UGT2A2: variants seen among roughly 807,000 people sequenced by gnomAD.
UGT2A2 encodes UDP glucuronosyltransferase family 2 member A2, also known as UDP-glucuronosyltransferase 2A2.
In UGT2A2, 60 loss-of-function variants were observed where a neutral mutation model predicts 50.7. The ratio of observed to expected loss-of-function variants is 1.18; its 90% CI spans 0.96 to 1.47. The LOEUF (loss-of-function observed/expected upper bound fraction) is 1.47. Among genes scored for constraint, UGT2A2 ranks in the 40% most tolerant of loss-of-function variants. The pLI, the probability that UGT2A2 is intolerant of heterozygous loss-of-function variation, is 0.00. For synonymous variants in UGT2A2, 242 were observed against 214.6 expected, an observed-to-expected ratio of 1.13 and a Z score of -1.11; for missense variants, 762 against 634.0, an observed-to-expected ratio of 1.20 and a Z score of -2.17.
At chr4:69,629,776 G>C (rs77529829) in intron 1 of UGT2A2, among the ~76,000 whole-genome samples, 3,451 of 152,092 alleles carry the variant, frequency 0.023, 58 homozygotes, top group East Asian at 0.068. Context: ...ATTTTAATCT[G>C]TAATCTGTAT....
rs868326118 is a variant in UGT2A2 at position 69,592,852 on chromosome 4, T to A, written c.1331+1625A>T. Among the ~76,000 whole-genome samples, 7 of 152,226 alleles carry A rather than the reference T, an allele frequency of 4.6e-5. 1 individual carries two copies. Among genetic ancestry groups the A allele is most frequent in the Middle Eastern group, 6.8e-3 (2 of 294 alleles). ...AAAAGAAAAACTGGATAATTTTTTA[T>A]CTTAGATTAACATTGTTGTAAAGAC... On this transcript the variant is annotated intron_variant, in intron 5 of 5. Coordinates refer to ENST00000604629, the MANE Select transcript of UGT2A2 (RefSeq NM_001105677.2).
In UGT2A2 at chr4:69,606,678, G is replaced by A. The variant is rs371618424; in HGVS notation, c.743-7284C>T. On this transcript the variant is annotated intron_variant, in intron 1 of 5. Transcript: ENST00000604629. ...GATTGTATATCTAGAAAACACCATCGTCTCAGCCCAAAATCTCCTTAAGCT... is the reference window on the plus strand; with the variant it reads ...GATTGTATATCTAGAAAACACCATCATCTCAGCCCAAAATCTCCTTAAGCT... Among the ~76,000 whole-genome samples the A allele has an allele frequency of 5.5e-3, 753 of 136,524 alleles. 129 individuals carry two copies. The highest frequency in any genetic ancestry group is 7.9e-3 in the Non-Finnish European group (510 of 64,232). The allele number at this position is 136,524 out of a possible 152,430, so 89.6% of individuals were successfully genotyped here.
chr4:69,605,202 A>G lies in UGT2A2; in HGVS notation c.743-5808T>C, dbSNP rs977295914. 5.1e-5 allele frequency among the ~76,000 whole-genome samples: 7 copies of G among 137,066 alleles called. 1 individual carries two copies. Among genetic ancestry groups the G allele is most frequent in the Non-Finnish European group, 9.3e-5 (6 of 64,372 alleles). The allele number at this position is 137,066 out of a possible 152,430, so 89.9% of individuals were successfully genotyped here. The stretch of plus-strand genomic sequence containing the variant: ...CACTCCTCAGCAAATGTAAAAGAAC[A>G]GAAATTATAACAAACTGTCTCTCAG... On this transcript the variant is annotated intron_variant, in intron 1 of 5. Coordinates refer to ENST00000604629, the MANE Select transcript of UGT2A2 (RefSeq NM_001105677.2).
At chr4:69,594,819 G>T in intron 4 of UGT2A2, 123 bp from the exon 5 acceptor site, 1 of 1,223,552 alleles carries the variant, frequency 8.2e-7, no homozygotes, top group Non-Finnish European at 1.1e-6. Flanking sequence ...TTCTACAAAA[G>T]CAGATCACAT....
At chr4:69,620,380 A>G (rs1185237832) in intron 1 of UGT2A2, among the ~76,000 whole-genome samples, 1 of 151,716 alleles carries the variant, frequency 6.6e-6, no homozygotes, top group Non-Finnish European at 1.5e-5. Flanking sequence ...CCCATTCACA[A>G]TTGCTAAAAA....
chr4:69,608,157 C>T (rs1054622523), intron 1 of UGT2A2, among the ~76,000 whole-genome samples: 2 of 152,122 alleles, frequency 1.3e-5, no homozygotes, highest in African/African-American at 4.8e-5. Context: ...ATAGCAAAGA[C>T]TTGGAACCAA....
intron 1 of UGT2A2, among the ~76,000 whole-genome samples, chr4:69,602,391 A>T (rs1719344384): frequency 7.3e-6 from 1 of 137,596 alleles, no homozygotes. Flanking sequence ...ACTAATGACA[A>T]CTTTAATTCA....
intron 5 of UGT2A2, among the ~76,000 whole-genome samples, chr4:69,591,429 A>T (rs1718592603): frequency 2.0e-5 from 3 of 152,172 alleles, no homozygotes; most frequent in Non-Finnish European, 4.4e-5. Flanking sequence ...AAGACCTGGG[A>T]TCAAAGGGAA....
intron 1 of UGT2A2, among the ~76,000 whole-genome samples, chr4:69,605,265 A>G (rs551843427): frequency 7.3e-6 from 1 of 137,112 alleles, no homozygotes; most frequent in East Asian, 2.0e-4. Flanking sequence ...GGATTAAGAA[A>G]TTCACTCAAA....
intron 1 of UGT2A2, among the ~76,000 whole-genome samples, chr4:69,621,820 C>A (rs1343668911): frequency 1.3e-5 from 2 of 151,804 alleles, no homozygotes; most frequent in African/African-American, 4.8e-5. Context: ...ACTACACAGC[C>A]ATAAAAAGGA....
Position 69,606,247 on chromosome 4 carries a change from T to A in UGT2A2, c.743-6853A>T, listed in dbSNP as rs145077869. Among the ~76,000 whole-genome samples, 2 of 135,344 alleles carry A rather than the reference T, an allele frequency of 1.5e-5. 1 individual carries two copies. The highest frequency in any genetic ancestry group is 3.1e-5 in the Non-Finnish European group (2 of 63,952). The allele number at this position is 135,344 out of a possible 152,430, so 88.8% of individuals were successfully genotyped here. On this transcript the variant is annotated intron_variant, in intron 1 of 5. Transcript: ENST00000604629. The stretch of plus-strand genomic sequence containing the variant: ...ACCATGATCAAGTGGGCTTCATCCC[T>A]GGGACGCAAGGCTGGGTCAACATAC...
At chr4:69,599,454 A>T in intron 1 of UGT2A2, 60 bp from the exon 2 acceptor site, 2 of 1,581,526 alleles carry the variant, frequency 1.3e-6, no homozygotes, top group Non-Finnish European at 1.7e-6. Context: ...CTGAGGAGAA[A>T]AAAAAGCTAC....
chr4:69,609,320 T>TTTTTC (rs1161576114), intron 1 of UGT2A2, among the ~76,000 whole-genome samples: 1 of 152,010 alleles, frequency 6.6e-6, no homozygotes, highest in South Asian at 2.1e-4. Context: ...CCTAGCTATT[T>TTTTTC]TTTTCTTTTC....
rs1174753675 is a variant in UGT2A2 at position 69,605,437 on chromosome 4, T to C, written c.743-6043A>G. On this transcript the variant is annotated intron_variant, in intron 1 of 5. Transcript: ENST00000604629. ...ATTCAAAGCAGTGTGTAGAGGGAAA[T>C]TTATAGCACTAAATGCCCACAGAAC... Among the ~76,000 whole-genome samples, 6 of 136,350 alleles carry C rather than the reference T, an allele frequency of 4.4e-5. 1 individual carries two copies. The highest frequency in any genetic ancestry group is 1.2e-4 in the African/African-American group (4 of 33,476). 89.5% of individuals were successfully genotyped at this position (136,350 alleles called of 152,430 possible). A position where few individuals can be genotyped will look rare whatever the true frequency, so the allele number is the denominator to read the frequency against.
intron 5 of UGT2A2, among the ~76,000 whole-genome samples, chr4:69,594,202 C>T (rs1196913663): frequency 6.6e-6 from 1 of 151,914 alleles, no homozygotes; most frequent in Non-Finnish European, 1.5e-5. Flanking sequence ...TCTCGATCTC[C>T]GGACCTTGTG....
chr4:69,609,817 A>C (rs1489826487), intron 1 of UGT2A2, among the ~76,000 whole-genome samples: 1 of 152,192 alleles, frequency 6.6e-6, no homozygotes, highest in African/African-American at 2.4e-5. Flanking sequence ...AATTACAGTC[A>C]ATTGTCAATT....
chr4:69,626,123 TCTGATTTTACCTTGTTGGATA>T (rs1196268037), intron 1 of UGT2A2, among the ~76,000 whole-genome samples: 2 of 151,588 alleles, frequency 1.3e-5, no homozygotes, highest in African/African-American at 4.8e-5. Flanking sequence ...AACTTTTTTT[TCTGATTTTACCTTGTTGGATA>T]CTGGGCTATT....
At chr4:69,636,710 G>A (rs1721730240) in intron 1 of UGT2A2, among the ~76,000 whole-genome samples, 1 of 151,940 alleles carries the variant, frequency 6.6e-6, no homozygotes, top group South Asian at 2.1e-4. Flanking sequence ...ATATAAAAAG[G>A]GTTTTATCAT....
rs185812401 is a variant in UGT2A2 at position 69,588,561 on chromosome 4, T to A, written c.*811A>T. ...AATTATTTGTACAGTTGACTAAAAA[T>A]TTTATAAAAATGATAATTATTTTCT... On this transcript the variant is annotated 3_prime_UTR_variant, in exon 6 of 6. Transcript: ENST00000604629. 2.6e-3 allele frequency: 392 copies of A among 152,230 alleles called. 2 individuals are homozygous for A. The highest frequency in any genetic ancestry group is 9.1e-3 in the African/African-American group (377 of 41,570). The allele number at this position is 152,230 out of a possible 1,614,324, so 9.4% of individuals were successfully genotyped here. A position where few individuals can be genotyped will look rare whatever the true frequency, so the allele number is the denominator to read the frequency against.
Sources: allele counts gnomAD v4.1 joint callset (sites outside exome capture counted in the v4.1 genomes callset), GRCh38; gene constraint gnomAD v4.1.1; transcripts MANE v1.5; gene names NCBI Gene and HGNC (gene_info 2026-07-23, HGNC 2026-07-21).